Variants in NPAS4 observed in about 807,000 individuals in gnomAD.
NPAS4 encodes the protein neuronal PAS domain protein 4.
NPAS4 carries 10 observed loss-of-function variants against 64.0 expected under a neutral mutation model. The observed-to-expected ratio is 0.16, with a 90% confidence interval of 0.10 to 0.26. The LOEUF (loss-of-function observed/expected upper bound fraction) is 0.26. Among genes scored for constraint, NPAS4 ranks in the 10% least tolerant of loss-of-function variants. The probability of loss-of-function intolerance (pLI) is 1.00; values close to 1 mark genes in which losing one functional copy is unlikely to be tolerated. For missense variants in NPAS4, 886 were observed against 992.6 expected (o/e 0.89, Z 1.44); for synonymous variants, 441 against 411.7 (o/e 1.07, Z -0.86).
chr11:66,422,921 T>C lies in NPAS4; in HGVS notation c.678T>C (p.Ala226=), dbSNP rs1428685628. ...MFQSRHAKDL[A]LLDISESVLI... ...AGAGCCGCCATGCTAAAGACCTGGC[T>C]CTACTGGACATCTCCGAGAGGTAAG... Residue 226 remains alanine, a synonymous_variant, in exon 4 of 8, where the codon GCT becomes GCC. Transcript: ENST00000311034. The C allele has an allele frequency of 6.2e-7, 1 of 1,606,160 alleles. No homozygotes were observed. Among genetic ancestry groups the C allele is most frequent in the Non-Finnish European group, 8.5e-7 (1 of 1,179,956 alleles).
In NPAS4 at chr11:66,422,259, G is replaced by A. The variant is rs769977922; in HGVS notation, c.315G>A (p.Leu105=). Residue 105 remains leucine (L), a synonymous_variant, in exon 2 of 8, where the codon CTG becomes CTA. Transcript: ENST00000311034. ...LYLSESVSEH[L]GHSMVDLVAQ... ...TGTCTGAGAGTGTGAGCGAGCATCT[G>A]GGCCACTCCATGGTGAGTGCTAAGG... is the stretch of plus-strand genomic sequence containing the variant. 3 of 1,613,854 alleles carry A rather than the reference G, an allele frequency of 1.9e-6. No homozygotes were observed. The highest frequency in any genetic ancestry group is 1.7e-6 in the Non-Finnish European group (2 of 1,180,002).
intron 5 of NPAS4, 81 bp from the exon 6 acceptor site, chr11:66,423,497 T>G: frequency 6.5e-7 from 1 of 1,533,396 alleles, no homozygotes; most frequent in Non-Finnish European, 9.0e-7. Flanking sequence ...CTATCTCAAT[T>G]CAGTGGAGAG....
chr11:66,422,978 G>A (rs1856772232), intron 4 of NPAS4, 37 bp downstream of exon 4: 3 of 1,593,626 alleles, frequency 1.9e-6, no homozygotes, highest in Admixed American at 1.7e-5. Context: ...GAGAAAGGCA[G>A]GCCAGAGATG....
At chr11:66,423,443 C>G in intron 5 of NPAS4, 135 bp from the exon 6 acceptor site, 1 of 1,046,178 alleles carries the variant, frequency 9.6e-7, no homozygotes, top group Non-Finnish European at 1.4e-6. Context: ...AGGTAGAGAG[C>G]TGAGTGGTTC....
rs1383945406 is a variant in NPAS4 at position 66,423,559 on chromosome 11, G to A, written c.809-19G>A. 5 of 1,613,580 alleles carry A rather than the reference G, an allele frequency of 3.1e-6. No homozygotes were observed. The South Asian group carries it at 5.5e-5, about 18-fold the overall frequency. On this transcript the variant is annotated intron_variant, in intron 5 of 7. Transcript: ENST00000311034. ...ATTGCCTGGTGGACATCCTAACTCT[G>A]CATCTTCTTTCTCCCCAGTGGCTGA...
the NPAS4 span, among the ~76,000 whole-genome samples, chr11:66,413,954 ACT>A: frequency 1.3e-5 from 2 of 151,850 alleles, no homozygotes; most frequent in Admixed American, 6.6e-5. Flanking sequence ...GCTGGCACAA[ACT>A]CTGCCCTCAG....
chr11:66,421,690 T>C (rs1310982853), intron 1 of NPAS4, among the ~76,000 whole-genome samples: 1 of 152,230 alleles, frequency 6.6e-6, no homozygotes, highest in Non-Finnish European at 1.5e-5. Context: ...TGGAGCTGCC[T>C]GAGCCTAGGG....
At chr11:66,411,816 C>T in the NPAS4 span, among the ~76,000 whole-genome samples, 1 of 152,228 alleles carries the variant, frequency 6.6e-6, no homozygotes, top group African/African-American at 2.4e-5. Context: ...CAGTCCCTGA[C>T]CTTCTCTGAC....
At chr11:66,419,208 A>C (rs1358887909), upstream of NPAS4, among the ~76,000 whole-genome samples, 2 of 152,194 alleles carry the variant, frequency 1.3e-5, no homozygotes, top group Non-Finnish European at 2.9e-5. Context: ...GGTTAGAGAC[A>C]GTGGCAGACA....
At chr11:66,415,519 G>A in the NPAS4 span, among the ~76,000 whole-genome samples, 1 of 152,160 alleles carries the variant, frequency 6.6e-6, no homozygotes, top group Admixed American at 6.5e-5. Context: ...TGAACCATAT[G>A]GTCTCTGTTG....
Position 66,423,612 on chromosome 11 carries a change from G to A in NPAS4, c.843G>A (p.Val281=), listed in dbSNP as rs373935651. ...AESGDIQAEM[V]VRLQAKTGGW... is the part of the protein sequence containing the mutation. ...GTGGAGATATTCAGGCAGAGATGGT[G>A]GTGAGGCTACAGGCCAAGACTGGAG... Residue 281 remains valine, a synonymous_variant, in exon 6 of 8, where the codon GTG becomes GTA. Transcript: ENST00000311034. 8.9e-5 allele frequency: 144 copies of A among 1,614,038 alleles called. 2 individuals are homozygous for A. The highest frequency in any genetic ancestry group is 8.0e-5 in the Non-Finnish European group (94 of 1,180,036).
At position 66,426,193 on chromosome 11, in the gene NPAS4, G is replaced by A. The variant is rs1856836444; in HGVS notation, c.*204G>A. ...TTTTTAAAATCAAGAGACTTCGAGC[G>A]ATCCCAGTTTCCATTTCAATCTGTA... On this transcript the variant is annotated 3_prime_UTR_variant, in exon 8 of 8. Coordinates refer to ENST00000311034, the MANE Select transcript of NPAS4 (RefSeq NM_178864.4). 3.6e-6 allele frequency: 2 copies of A among 560,760 alleles called. No individual in the cohort carries two copies. The highest frequency in any genetic ancestry group is 4.4e-5 in the South Asian group (2 of 45,378). The allele number at this position is 560,760 out of a possible 1,614,324, so 34.7% of individuals were successfully genotyped here.
intron 5 of NPAS4, 156 bp downstream of exon 5, chr11:66,423,388 G>A (rs1856782008): frequency 2.4e-6 from 2 of 816,960 alleles, no homozygotes; most frequent in South Asian, 1.6e-5. Flanking sequence ...GAGGATTCAA[G>A]GCAATAATCA....
chr11:66,412,639 A>G, the NPAS4 span, among the ~76,000 whole-genome samples: 6 of 152,198 alleles, frequency 3.9e-5, no homozygotes, highest in African/African-American at 1.4e-4. Flanking sequence ...GAGTGTTTTA[A>G]CTAATTAACT....
In NPAS4 at chr11:66,422,710, C is replaced by T. The variant is rs1334936591; in HGVS notation, c.467C>T (p.Ser156Phe). ...CGCTGCCGCTTCAACACCTCCAAGT[C>T]CCTCAGGCGCCAGAGTGCAGGCAAC... ...LFRCRFNTSK[S>F]LRRQSAGNKL... The change falls in exon 4 of 8, where the codon TCC becomes TTC. Residue 156 changes from serine to phenylalanine, a missense_variant. Around this residue, in one of 3 missense-constraint regions of NPAS4, gnomAD observed 820 missense variants for 855.5 expected, o/e 0.96. Coordinates refer to ENST00000311034, the MANE Select transcript of NPAS4 (RefSeq NM_178864.4). 2 of 1,613,932 alleles carry T rather than the reference C, an allele frequency of 1.2e-6. No individual in the cohort carries two copies. Among genetic ancestry groups the T allele is most frequent in the Non-Finnish European group, 1.7e-6 (2 of 1,179,970 alleles).
At chr11:66,409,507 C>G in the NPAS4 span, 1 of 151,774 alleles carries the variant, frequency 6.6e-6, no homozygotes, top group Non-Finnish European at 1.5e-5. Context: ...ACCCTGGAGA[C>G]CTTTGCCTCC....
chr11:66,417,910 T>A (rs1856688935), upstream of NPAS4, among the ~76,000 whole-genome samples: 1 of 151,556 alleles, frequency 6.6e-6, no homozygotes, highest in African/African-American at 2.4e-5. Flanking sequence ...CAGATAGAGA[T>A]GTAGACATCC....
chr11:66,426,271 T>C lies in NPAS4; in HGVS notation c.*282T>C. ...GGATTTCAAGCGGAGAATGGGGGAGTCTCACTTCCCCGCCGCCTTGCCCCA... is the reference window on the plus strand; with the variant it reads ...GGATTTCAAGCGGAGAATGGGGGAGCCTCACTTCCCCGCCGCCTTGCCCCA... On this transcript the variant is annotated 3_prime_UTR_variant, in exon 8 of 8. Transcript: ENST00000311034. The C allele has an allele frequency of 2.6e-6, 1 of 383,138 alleles. No homozygotes were observed. The highest frequency in any genetic ancestry group is 3.4e-5 in the South Asian group (1 of 29,104). 23.7% of individuals were successfully genotyped at this position (383,138 alleles called of 1,614,324 possible).
rs142965018 is a variant in NPAS4, at chr11:66,424,650, C to G, written c.1760C>G (p.Thr587Arg). ...AGCAGCCCTGGTAATGGGGACTGCA[C>G]GCTCTTGGCCCTAGCCCAGCTCCGG... is the stretch of plus-strand genomic sequence containing the variant. ...SPSSPGNGDC[T>R]LLALAQLRGP... is the part of the protein sequence containing the mutation. Residue 587 changes from threonine to arginine, a missense_variant, in exon 7 of 8, where the codon ACG becomes AGG. By Grantham distance (71) the Thr-to-Arg change is moderately conservative. Coordinates refer to ENST00000311034, the MANE Select transcript of NPAS4 (RefSeq NM_178864.4). 6.2e-7 allele frequency: 1 copy of G among 1,614,060 alleles called. No homozygotes were observed. Among genetic ancestry groups the G allele is most frequent in the Non-Finnish European group, 8.5e-7 (1 of 1,179,942 alleles).
Sources: allele counts gnomAD v4.1 joint callset (sites outside exome capture counted in the v4.1 genomes callset), GRCh38; gene constraint gnomAD v4.1.1; regional missense constraint gnomAD v4.1.1; transcripts MANE v1.5; gene names NCBI Gene and HGNC (gene_info 2026-07-23, HGNC 2026-07-21).